Variants in ERBB4 observed in about 807,000 individuals in gnomAD.
ERBB4 encodes receptor tyrosine-protein kinase erbB-4.
A neutral mutation model predicts 158.0 loss-of-function variants in ERBB4; 42 were observed. That is an observed-to-expected ratio of 0.27 (90% confidence interval 0.21 to 0.34). The LOEUF is 0.34. Among genes scored for constraint, ERBB4 ranks in the 10% least tolerant of loss-of-function variants. The pLI is 1.00. For missense variants in ERBB4, 1,333 were observed against 1,624.1 expected (o/e 0.82, Z 3.08); for synonymous variants, 583 against 558.7 (o/e 1.04, Z -0.61).
At chr2:212,477,895 T>A (rs929509279) in intron 1 of ERBB4, among the ~76,000 whole-genome samples, 2 of 152,162 alleles carry the variant, frequency 1.3e-5, no homozygotes, top group African/African-American at 2.4e-5. Flanking sequence ...GGCATCTCTC[T>A]TGCAATGTGT....
intron 1 of ERBB4, among the ~76,000 whole-genome samples, chr2:212,191,261 C>T (rs1192508951): frequency 2.6e-5 from 4 of 152,030 alleles, no homozygotes; most frequent in African/African-American, 9.7e-5. Flanking sequence ...CATTTCTAAC[C>T]ATTCCCCAGA....
At chr2:211,852,636 C>CTTTTT (rs10640429) in intron 3 of ERBB4, among the ~76,000 whole-genome samples, 24,706 of 138,230 alleles carry the variant, frequency 0.18, 2,436 homozygotes, top group South Asian at 0.31. Flanking sequence ...CAATGGCCAA[C>CTTTTT]TTTTTTTTTT....
At chr2:212,071,166 T>C (rs138651758) in intron 2 of ERBB4, among the ~76,000 whole-genome samples, 1 of 152,110 alleles carries the variant, frequency 6.6e-6, no homozygotes, top group East Asian at 1.9e-4. Flanking sequence ...ACTTTGACTA[T>C]CATGTTGACC....
intron 2 of ERBB4, among the ~76,000 whole-genome samples, chr2:211,950,031 C>T (rs141071673): frequency 4.4e-3 from 668 of 152,172 alleles, no homozygotes; most frequent in Admixed American, 6.5e-3. Flanking sequence ...AGTATCACTC[C>T]GGCCCTTCTC....
intron 7 of ERBB4, among the ~76,000 whole-genome samples, chr2:211,715,368 C>G (rs1318612816): frequency 6.6e-6 from 1 of 152,134 alleles, no homozygotes; most frequent in African/African-American, 2.4e-5. Flanking sequence ...CTTCCCTTCC[C>G]CAAAAAGTGC....
chr2:211,413,942 T>C (rs1399376249), intron 25 of ERBB4, among the ~76,000 whole-genome samples: 1 of 150,822 alleles, frequency 6.6e-6, no homozygotes, highest in African/African-American at 2.4e-5. Context: ...GCTCCTCCCC[T>C]GGATAAGGCG....
intron 1 of ERBB4, among the ~76,000 whole-genome samples, chr2:212,162,194 CAAAT>C (rs1031362204): frequency 1.3e-5 from 2 of 151,646 alleles, no homozygotes; most frequent in African/African-American, 4.8e-5. Context: ...GGAAAATTAA[CAAAT>C]AAATTATAAT....
intron 2 of ERBB4, among the ~76,000 whole-genome samples, chr2:212,012,441 G>T (rs1404734873): frequency 8.2e-5 from 12 of 146,386 alleles, no homozygotes; most frequent in African/African-American, 3.0e-4. Context: ...TTTTTTGACG[G>T]AGTCTCATTC....
chr2:211,645,099 T>C (rs1347416347), intron 16 of ERBB4, among the ~76,000 whole-genome samples: 1 of 151,868 alleles, frequency 6.6e-6, no homozygotes, highest in Non-Finnish European at 1.5e-5. Context: ...TAAGTAAGTA[T>C]GTTAGTATTT....
At chr2:211,968,359 C>A (rs2081359266) in intron 2 of ERBB4, among the ~76,000 whole-genome samples, 1 of 151,924 alleles carries the variant, frequency 6.6e-6, no homozygotes, top group Non-Finnish European at 1.5e-5. Context: ...AATTGCTTGG[C>A]CAGTTTCCAA....
intron 1 of ERBB4, among the ~76,000 whole-genome samples, chr2:212,535,450 C>T (rs908306177): frequency 6.6e-6 from 1 of 151,974 alleles, no homozygotes; most frequent in East Asian, 1.9e-4. Flanking sequence ...TAAATATGTA[C>T]GAAAGCTATA....
intron 12 of ERBB4, among the ~76,000 whole-genome samples, chr2:211,686,132 T>C (rs1469309094): frequency 2.6e-5 from 4 of 152,134 alleles, no homozygotes; most frequent in African/African-American, 9.6e-5. Flanking sequence ...GGTAGAACTT[T>C]CAATACTATG....
intron 5 of ERBB4, among the ~76,000 whole-genome samples, chr2:211,726,759 C>T (rs7593713): frequency 0.14 from 21,625 of 152,030 alleles, 1,779 homozygotes; most frequent in South Asian, 0.32. Flanking sequence ...ATGGCTTGAA[C>T]CTGTAAGCCA....
intron 4 of ERBB4, among the ~76,000 whole-genome samples, chr2:211,755,463 C>T (rs1030405557): frequency 2.0e-5 from 3 of 152,154 alleles, no homozygotes; most frequent in Non-Finnish European, 2.9e-5. Flanking sequence ...GATTGCTCCA[C>T]TGCACTCCAG....
chr2:212,476,329 G>C (rs971684861), intron 1 of ERBB4, among the ~76,000 whole-genome samples: 19 of 152,046 alleles, frequency 1.2e-4, no homozygotes, highest in Non-Finnish European at 2.5e-4. Flanking sequence ...TCTATCACTA[G>C]TATACCTAGC....
At chr2:212,419,705 A>C (rs1490979711) in intron 1 of ERBB4, among the ~76,000 whole-genome samples, 3 of 151,946 alleles carry the variant, frequency 2.0e-5, no homozygotes, top group Non-Finnish European at 4.4e-5. Flanking sequence ...GTGAGGAATG[A>C]AATGTATTTC....
chr2:212,403,167 G>C lies in ERBB4; in HGVS notation c.82+135282C>G, dbSNP rs538887151. On this transcript the variant is annotated intron_variant, in intron 1 of 27. Transcript: ENST00000342788. ...GTAAAACAGATCAAATAGATTTTGCGAAGGCCTTAGAAAGTTCAAAAAAAA... is the reference window on the plus strand; with the variant it reads ...GTAAAACAGATCAAATAGATTTTGCCAAGGCCTTAGAAAGTTCAAAAAAAA... 3.3e-5 allele frequency among the ~76,000 whole-genome samples: 5 copies of C among 151,910 alleles called. No individual in the cohort carries two copies. In the East Asian group the frequency reaches 7.7e-4, roughly 23 times the overall value.
At chr2:211,454,622 G>A (rs556544636) in intron 20 of ERBB4, among the ~76,000 whole-genome samples, 16 of 152,312 alleles carry the variant, frequency 1.1e-4, no homozygotes, top group African/African-American at 2.6e-4. Context: ...GAATTTTAAA[G>A]AGTACAAGTG....
At chr2:211,474,487 G>A (rs927634070) in intron 20 of ERBB4, among the ~76,000 whole-genome samples, 1 of 151,928 alleles carries the variant, frequency 6.6e-6, no homozygotes, top group African/African-American at 2.4e-5. Flanking sequence ...TAACTTTAAA[G>A]AAGTTAATTA....
Sources: gnomAD v4.1 joint callset for allele counts (sites outside exome capture counted in the v4.1 genomes callset) on GRCh38, gnomAD v4.1.1 for gene constraint, MANE v1.5 for transcripts, NCBI Gene and HGNC (gene_info 2026-07-23, HGNC 2026-07-21) for gene names.